The following NRXN1 variants were observed in gnomAD, a reference collection of about 807,000 sequenced individuals.
The protein encoded by NRXN1 is neurexin-1.
A neutral mutation model predicts 150.9 loss-of-function variants in NRXN1; 39 were observed. That is an observed-to-expected ratio of 0.26 (90% CI 0.20 to 0.34). NRXN1 has a LOEUF of 0.34. Among genes scored for constraint, NRXN1 ranks in the 10% least tolerant of loss-of-function variants. NRXN1 has a pLI of 1.00. For synonymous variants in NRXN1, 924 were observed against 757.0 expected, an observed-to-expected ratio of 1.22 and a Z score of -3.62; for missense variants, 1,815 against 1,949.9, an observed-to-expected ratio of 0.93 and a Z score of 1.30.
At chr2:50,496,264 C>G (rs1453210462) in intron 14 of NRXN1, among the ~76,000 whole-genome samples, 169 bp from the exon 15 acceptor site, 1 of 152,076 alleles carries the variant, frequency 6.6e-6, no homozygotes, top group African/African-American at 2.4e-5. Flanking sequence ...AAACACTATT[C>G]TGTTTCAGCA....
chr2:50,420,432 C>T (rs965451689), intron 17 of NRXN1, among the ~76,000 whole-genome samples: 9 of 151,218 alleles, frequency 6.0e-5, no homozygotes, highest in South Asian at 2.1e-4. Context: ...CACACACACA[C>T]GGCAAAAACC....
chr2:50,600,472 G>C (rs1303472205), intron 8 of NRXN1, among the ~76,000 whole-genome samples: 1 of 151,870 alleles, frequency 6.6e-6, no homozygotes, highest in East Asian at 1.9e-4. Flanking sequence ...TTACAGGCGT[G>C]TGCCACCATG....
intron 18 of NRXN1, among the ~76,000 whole-genome samples, chr2:50,138,948 T>G (rs188358379): frequency 6.6e-5 from 10 of 152,326 alleles, no homozygotes; most frequent in Admixed American, 5.9e-4. Context: ...AGATGAAACG[T>G]GCCAAGTTGA....
intron 16 of NRXN1, among the ~76,000 whole-genome samples, chr2:50,467,803 TAAAGAACTAAGAACTAAC>T (rs1452890161): frequency 1.5e-4 from 22 of 151,460 alleles, no homozygotes; most frequent in Admixed American, 4.0e-4. Flanking sequence ...TTATTTGTAA[TAAAGAACTAAGAACTAAC>T]AAAGAACTAA....
intron 17 of NRXN1, among the ~76,000 whole-genome samples, chr2:50,420,062 T>C (rs1520440): frequency 0.012 from 1,809 of 152,018 alleles, 30 homozygotes; most frequent in African/African-American, 0.041. Flanking sequence ...TAAAAGAGAC[T>C]AAACATAGCA....
chr2:49,940,502 A>G (rs1221110610), intron 22 of NRXN1, among the ~76,000 whole-genome samples: 1 of 152,224 alleles, frequency 6.6e-6, no homozygotes, highest in East Asian at 1.9e-4. Flanking sequence ...CCAGTACATT[A>G]GGAAACAATG....
intron 5 of NRXN1, among the ~76,000 whole-genome samples, chr2:50,642,393 T>A (rs988150180): frequency 1.3e-5 from 2 of 152,022 alleles, no homozygotes; most frequent in African/African-American, 4.8e-5. Flanking sequence ...ATTTAAAATT[T>A]AGGAGATTTG....
intron 2 of NRXN1, among the ~76,000 whole-genome samples, chr2:50,948,016 C>T (rs368473406): frequency 1.6e-4 from 24 of 151,886 alleles, no homozygotes; most frequent in African/African-American, 5.5e-4. Flanking sequence ...AAAATCCTTC[C>T]CACATAATCC....
intron 17 of NRXN1, among the ~76,000 whole-genome samples, chr2:50,330,676 T>C (rs545366794): frequency 6.6e-6 from 1 of 152,308 alleles, no homozygotes; most frequent in East Asian, 1.9e-4. Flanking sequence ...TTTTAATGAA[T>C]AAAGTAGCTT....
chr2:49,922,461 T>G (rs1248881005), intron 22 of NRXN1, among the ~76,000 whole-genome samples: 2 of 152,202 alleles, frequency 1.3e-5, no homozygotes, highest in African/African-American at 4.8e-5. Flanking sequence ...TTGCTGTGTC[T>G]TCTTTCTTCA....
At chr2:50,606,086 C>CA (rs1677066500) in intron 8 of NRXN1, among the ~76,000 whole-genome samples, 1 of 151,384 alleles carries the variant, frequency 6.6e-6, no homozygotes, top group Non-Finnish European at 1.5e-5. Context: ...CCATCTCTAC[C>CA]AAAAAATACA....
intron 5 of NRXN1, among the ~76,000 whole-genome samples, chr2:50,771,158 A>T (rs1205143769): frequency 1.3e-5 from 2 of 152,072 alleles, no homozygotes; most frequent in Non-Finnish European, 2.9e-5. Flanking sequence ...GCCTGGAAGG[A>T]TGATGGTCAT....
chr2:50,214,846 C>G (rs553673778), intron 18 of NRXN1, among the ~76,000 whole-genome samples: 1 of 152,098 alleles, frequency 6.6e-6, no homozygotes, highest in African/African-American at 2.4e-5. Context: ...CATCCTGTTT[C>G]ATTCGATCTT....
At position 50,180,945 on chromosome 2, in the gene NRXN1, T is replaced by C. The variant is rs1433846405; in HGVS notation, c.3546+55844A>G. Among the ~76,000 whole-genome samples the C allele has an allele frequency of 7.9e-5, 12 of 152,166 alleles. No individual in the cohort carries two copies. The East Asian group carries it at 2.3e-3, about 29-fold the overall frequency. On this transcript the variant is annotated intron_variant, in intron 18 of 22. Transcript: ENST00000401669. ...CATTGACAGGTGTTCAAAACAGCAT[T>C]ATTTTTAACTTTTGGGTTTGTGTAG...
chr2:50,144,571 C>T (rs552495862), intron 18 of NRXN1, among the ~76,000 whole-genome samples: 14 of 151,792 alleles, frequency 9.2e-5, no homozygotes, highest in Middle Eastern at 6.8e-3. Flanking sequence ...TTGAACTACA[C>T]GGATAAAGAA....
chr2:50,502,555 C>T (rs958966441), intron 13 of NRXN1, among the ~76,000 whole-genome samples: 5 of 151,858 alleles, frequency 3.3e-5, no homozygotes, highest in Admixed American at 1.3e-4. Context: ...AGAAGTGGTA[C>T]GGGAAAAGCA....
At chr2:50,691,639 T>C (rs1692091977) in intron 5 of NRXN1, among the ~76,000 whole-genome samples, 1 of 152,182 alleles carries the variant, frequency 6.6e-6, no homozygotes, top group South Asian at 2.1e-4. Flanking sequence ...TGCTGCATTA[T>C]ATAGAATCGG....
intron 2 of NRXN1, among the ~76,000 whole-genome samples, chr2:50,948,160 C>A (rs889117569): frequency 6.6e-6 from 1 of 151,946 alleles, no homozygotes; most frequent in Non-Finnish European, 1.5e-5. Flanking sequence ...TCTAAATACA[C>A]TTGAAAAGAT....
chr2:50,996,219 A>T lies in NRXN1; in HGVS notation c.772+31283T>A, dbSNP rs528646967. On this transcript the variant is annotated intron_variant, in intron 2 of 22. Transcript: ENST00000401669. Reference sequence around the variant, plus strand: ...GGAAGTGAGAAGGGAGGTGGTAATTATTTTAATCCGTATTTTTGTGGCACA... The same window carrying T: ...GGAAGTGAGAAGGGAGGTGGTAATTTTTTTAATCCGTATTTTTGTGGCACA... 5.9e-5 allele frequency among the ~76,000 whole-genome samples: 9 copies of T among 152,180 alleles called. No homozygotes were observed. The East Asian group carries it at 1.8e-3, about 30-fold the overall frequency.
Sources: allele counts gnomAD v4.1 joint callset (sites outside exome capture counted in the v4.1 genomes callset), GRCh38; gene constraint gnomAD v4.1.1; transcripts MANE v1.5; gene names NCBI Gene and HGNC (gene_info 2026-07-23, HGNC 2026-07-21).